The following CCDC63 variants were observed in gnomAD, a reference collection of about 807,000 sequenced individuals.
CCDC63 encodes coiled-coil domain-containing protein 63.
A neutral mutation model predicts 63.6 loss-of-function variants in CCDC63; 54 were observed. The observed-to-expected ratio is 0.85, with a 90% confidence interval of 0.68 to 1.07. The LOEUF is 1.07. Ranked by LOEUF, CCDC63 falls within the 50% of genes least tolerant of loss-of-function variation. The probability of loss-of-function intolerance (pLI) is 0.00; values close to 1 mark genes in which losing one functional copy is unlikely to be tolerated. For synonymous variants in CCDC63, 253 were observed against 266.1 expected, an observed-to-expected ratio of 0.95 and a Z score of 0.48; for missense variants, 637 against 689.6, an observed-to-expected ratio of 0.92 and a Z score of 0.86.
chr12:110,877,071 T>C (rs1566127238), intron 5 of CCDC63, among the ~76,000 whole-genome samples: 1 of 152,116 alleles, frequency 6.6e-6, no homozygotes, highest in African/African-American at 2.4e-5. Context: ...TATAATATAT[T>C]ATTTGATACA....
chr12:110,850,831 A>G (rs1032071084), intron 1 of CCDC63, among the ~76,000 whole-genome samples: 3 of 152,228 alleles, frequency 2.0e-5, no homozygotes, highest in Admixed American at 6.5e-5. Context: ...GATACTGCCT[A>G]TACTTGAGCG....
chr12:110,886,801 C>T (rs925450175), intron 8 of CCDC63, among the ~76,000 whole-genome samples: 35 of 152,170 alleles, frequency 2.3e-4, no homozygotes, highest in African/African-American at 8.2e-4. Context: ...GGAAGACAGA[C>T]TTGAAGGACC....
chr12:110,886,110 G>T (rs1247770235), intron 8 of CCDC63, among the ~76,000 whole-genome samples: 1 of 152,198 alleles, frequency 6.6e-6, no homozygotes, highest in Admixed American at 6.5e-5. Context: ...AAATTGGCCA[G>T]GCACAGTGGC....
chr12:110,849,448 A>G (rs774704517), intron 1 of CCDC63, among the ~76,000 whole-genome samples: 14 of 151,370 alleles, frequency 9.2e-5, no homozygotes, highest in Non-Finnish European at 1.5e-4. Flanking sequence ...TGCCTTCACA[A>G]TAATTTCTAA....
intron 5 of CCDC63, among the ~76,000 whole-genome samples, chr12:110,876,105 C>CAAA (rs35045738): frequency 5.8e-5 from 5 of 86,724 alleles, no homozygotes; most frequent in Admixed American, 1.3e-4. Context: ...GAACCTGTCT[C>CAAA]AAAAAAAAAA....
At chr12:110,855,380 G>A (rs1011487559) in intron 3 of CCDC63, among the ~76,000 whole-genome samples, 2 of 152,136 alleles carry the variant, frequency 1.3e-5, no homozygotes, top group Non-Finnish European at 2.9e-5. Context: ...TGATTCGCAA[G>A]CCTACCTCTG....
At chr12:110,885,179 GAAA>G (rs763360457) in intron 8 of CCDC63, among the ~76,000 whole-genome samples, 1 of 133,978 alleles carries the variant, frequency 7.5e-6, no homozygotes, top group Admixed American at 7.5e-5. Context: ...ATTGTAAGAA[GAAA>G]AAAAAAAAAG....
At chr12:110,881,615 G>C (rs1315870101) in intron 7 of CCDC63, among the ~76,000 whole-genome samples, 1 of 152,094 alleles carries the variant, frequency 6.6e-6, no homozygotes, top group African/African-American at 2.4e-5. Context: ...CCAGCTACTT[G>C]GGAAGCTGAG....
At chr12:110,872,825 C>T (rs1193519681) in intron 4 of CCDC63, among the ~76,000 whole-genome samples, 3 of 152,194 alleles carry the variant, frequency 2.0e-5, no homozygotes, top group Non-Finnish European at 4.4e-5. Flanking sequence ...AGGGGTCTCA[C>T]TTTGTTGTCC....
At chr12:110,879,857 C>A in intron 5 of CCDC63, 49 bp from the exon 6 acceptor site, 1 of 1,588,604 alleles carries the variant, frequency 6.3e-7, no homozygotes, top group Non-Finnish European at 8.6e-7. Context: ...GGTAGCTTAT[C>A]TTACAAAACA....
chr12:110,883,513 G>T (rs2071236030), intron 7 of CCDC63, among the ~76,000 whole-genome samples: 1 of 152,202 alleles, frequency 6.6e-6, no homozygotes, highest in African/African-American at 2.4e-5. Flanking sequence ...AATGCTTCTT[G>T]AGATATTTGT....
At chr12:110,897,360 G>A (rs1392264476) in intron 9 of CCDC63, among the ~76,000 whole-genome samples, 1 of 151,990 alleles carries the variant, frequency 6.6e-6, no homozygotes, top group Admixed American at 6.6e-5. Flanking sequence ...TACTGAGGCA[G>A]GAGGATTTCT....
chr12:110,855,087 G>A (rs566427645), intron 3 of CCDC63, among the ~76,000 whole-genome samples: 3 of 152,250 alleles, frequency 2.0e-5, no homozygotes, highest in Non-Finnish European at 4.4e-5. Flanking sequence ...CACCATGCCC[G>A]GCCTGAAAAG....
intron 10 of CCDC63, among the ~76,000 whole-genome samples, chr12:110,901,503 C>A (rs61940346): frequency 0.012 from 1,854 of 152,236 alleles, 14 homozygotes; most frequent in Non-Finnish European, 0.015. Context: ...GCTGGGATTA[C>A]AGGCAGGAGC....
At chr12:110,852,769 G>C in intron 1 of CCDC63, 90 bp from the exon 2 acceptor site, 1 of 785,774 alleles carries the variant, frequency 1.3e-6, no homozygotes, top group African/African-American at 1.7e-5. Flanking sequence ...TGGAGGAAGG[G>C]ATGGCAGGGG....
At chr12:110,873,819 T>C (rs772959740) in intron 4 of CCDC63, 23 bp from the exon 5 acceptor site, 7 of 1,596,876 alleles carry the variant, frequency 4.4e-6, no homozygotes, top group Non-Finnish European at 6.0e-6. Flanking sequence ...CAGCTGGAAT[T>C]TCTCTCTCTC....
intron 3 of CCDC63, among the ~76,000 whole-genome samples, chr12:110,854,758 T>C (rs2070750270): frequency 6.6e-6 from 1 of 152,196 alleles, no homozygotes; most frequent in Non-Finnish European, 1.5e-5. Flanking sequence ...GAAATCTTAC[T>C]GTTAGATGAG....
intron 5 of CCDC63, among the ~76,000 whole-genome samples, chr12:110,879,368 GT>G (rs747843757): frequency 9.8e-5 from 15 of 152,312 alleles, no homozygotes; most frequent in Admixed American, 2.0e-4. Context: ...AGAGTTGGAG[GT>G]GAGGGTGCTA....
At chr12:110,884,852 A>ATTTTTTTTTTTTTTTTTTTTTTTTTTTT (rs34391026) in intron 8 of CCDC63, among the ~76,000 whole-genome samples, 1 of 130,708 alleles carries the variant, frequency 7.7e-6, no homozygotes, top group Non-Finnish European at 1.6e-5. Flanking sequence ...ACGCCCTGCT[A>ATTTTTTTTTTTTTTTTTTTTTTTTTTTT]TTTTTTTTTT....
Sources: allele counts gnomAD v4.1 joint callset (sites outside exome capture counted in the v4.1 genomes callset), GRCh38; gene constraint gnomAD v4.1.1; transcripts MANE v1.5; gene names NCBI Gene and HGNC (gene_info 2026-07-23, HGNC 2026-07-21).